The following SLC4A4 variants were observed in gnomAD, a reference collection of about 807,000 sequenced individuals.
SLC4A4 encodes the protein electrogenic sodium bicarbonate cotransporter 1.
SLC4A4 carries 27 observed loss-of-function variants against 111.5 expected under a neutral mutation model. The ratio of observed to expected loss-of-function variants is 0.24; its 90% CI spans 0.18 to 0.33. The LOEUF is 0.33. Ranked by LOEUF, SLC4A4 falls within the 10% of genes least tolerant of loss-of-function variation. The pLI is 1.00. For synonymous variants in SLC4A4, 443 were observed against 463.4 expected (o/e 0.96, Z 0.57); for missense variants, 909 against 1,315.5 (o/e 0.69, Z 4.78).
chr4:71,124,872 C>T (rs13143148), intron 2 of SLC4A4, among the ~76,000 whole-genome samples: 115,390 of 152,110 alleles, frequency 0.76, 45,897 homozygotes, highest in Admixed American at 0.88. Context: ...TTCCACACTA[C>T]GTAAATAATT....
At chr4:71,423,623 G>T (rs2149028225) in intron 7 of SLC4A4, among the ~76,000 whole-genome samples, 2 of 152,190 alleles carry the variant, frequency 1.3e-5, no homozygotes, top group East Asian at 3.9e-4. Flanking sequence ...AAACAGCATG[G>T]TACTGGTACC....
intron 11 of SLC4A4, among the ~76,000 whole-genome samples, chr4:71,453,188 G>T (rs552349648): frequency 1.3e-5 from 2 of 152,242 alleles, no homozygotes; most frequent in South Asian, 2.1e-4. Flanking sequence ...TGATCTGCTT[G>T]CATATTAGGA....
At chr4:71,514,814 T>A (rs1732234857) in intron 16 of SLC4A4, among the ~76,000 whole-genome samples, 1 of 152,188 alleles carries the variant, frequency 6.6e-6, no homozygotes, top group Non-Finnish European at 1.5e-5. Flanking sequence ...ATCTTTGTAT[T>A]TTTGTTGTAT....
chr4:71,067,117 C>T (rs976721120), intron 1 of SLC4A4, among the ~76,000 whole-genome samples: 2 of 119,626 alleles, frequency 1.7e-5, no homozygotes, highest in African/African-American at 6.7e-5. Context: ...GGAAGTCTCT[C>T]ACACATGCAG....
At chr4:71,134,097 C>T (rs1161454859) in intron 2 of SLC4A4, among the ~76,000 whole-genome samples, 1 of 152,072 alleles carries the variant, frequency 6.6e-6, no homozygotes, top group African/African-American at 2.4e-5. Context: ...TTGATTTTAC[C>T]TGAAAATAAA....
intron 1 of SLC4A4, among the ~76,000 whole-genome samples, chr4:71,080,691 G>A (rs1741970882): frequency 6.6e-6 from 1 of 151,984 alleles, no homozygotes; most frequent in Non-Finnish European, 1.5e-5. Flanking sequence ...GGTGAGTTGT[G>A]AGCACTTTTA....
chr4:71,389,731 A>C (rs1292678239), intron 6 of SLC4A4, among the ~76,000 whole-genome samples: 5 of 152,186 alleles, frequency 3.3e-5, no homozygotes, highest in African/African-American at 9.7e-5. Context: ...TAGTAACTCC[A>C]AATGGAGGTA....
At chr4:71,223,063 G>C (rs1182789756) in intron 1 of SLC4A4, among the ~76,000 whole-genome samples, 1 of 152,084 alleles carries the variant, frequency 6.6e-6, no homozygotes, top group East Asian at 1.9e-4. Flanking sequence ...AATGTCAAGG[G>C]TCTGTATACT....
At chr4:71,493,647 CTT>C (rs758871968) in intron 15 of SLC4A4, among the ~76,000 whole-genome samples, 38 of 150,076 alleles carry the variant, frequency 2.5e-4, no homozygotes, top group South Asian at 2.1e-4. Context: ...CTCTCTCTGT[CTT>C]TCTCTCTCTC....
chr4:71,115,923 TC>T (rs1743231426), intron 2 of SLC4A4, among the ~76,000 whole-genome samples: 3 of 152,312 alleles, frequency 2.0e-5, no homozygotes, highest in African/African-American at 7.2e-5. Flanking sequence ...AGACGGAGTT[TC>T]ACTCTTGTTG....
intron 2 of SLC4A4, among the ~76,000 whole-genome samples, chr4:71,140,790 C>T (rs1355508074): frequency 6.6e-6 from 1 of 152,180 alleles, no homozygotes; most frequent in Non-Finnish European, 1.5e-5. Flanking sequence ...TCCACTGCTA[C>T]ACCTGTCATT....
chr4:71,503,141 T>C (rs1731097133), intron 16 of SLC4A4, among the ~76,000 whole-genome samples: 1 of 152,106 alleles, frequency 6.6e-6, no homozygotes, highest in Non-Finnish European at 1.5e-5. Context: ...CTGATCACTT[T>C]TGGTTTCCAT....
chr4:71,382,450 G>A (rs954119253), intron 6 of SLC4A4, among the ~76,000 whole-genome samples: 1 of 152,168 alleles, frequency 6.6e-6, no homozygotes, highest in African/African-American at 2.4e-5. Context: ...ATATTTAAGT[G>A]AAAACTAGCT....
chr4:71,507,283 A>G (rs1412995987), intron 16 of SLC4A4, among the ~76,000 whole-genome samples: 1 of 152,220 alleles, frequency 6.6e-6, no homozygotes, highest in Non-Finnish European at 1.5e-5. Context: ...TGCCCCAGTT[A>G]AAAGACACAG....
intron 2 of SLC4A4, among the ~76,000 whole-genome samples, chr4:71,130,846 C>T (rs1743681750): frequency 6.6e-6 from 1 of 152,128 alleles, no homozygotes; most frequent in Non-Finnish European, 1.5e-5. Flanking sequence ...TTTAGGAAAA[C>T]TCAAGCTGAG....
chr4:71,514,854 A>T (rs542524570), intron 16 of SLC4A4, among the ~76,000 whole-genome samples: 6 of 151,590 alleles, frequency 4.0e-5, no homozygotes, highest in Admixed American at 3.9e-4. Flanking sequence ...TTCATTTCTG[A>T]TTTTACTTGG....
At chr4:71,235,945 G>T (rs551990982) in intron 1 of SLC4A4, 530 of 713,982 alleles carry the variant, frequency 7.4e-4, no homozygotes, top group Non-Finnish European at 8.9e-4. Context: ...CGGGTTGCTG[G>T]ATAATCCTCA....
intron 3 of SLC4A4, among the ~76,000 whole-genome samples, chr4:71,312,882 T>C (rs1018354389): frequency 6.6e-6 from 1 of 152,184 alleles, no homozygotes; most frequent in Non-Finnish European, 1.5e-5. Flanking sequence ...ATGCCCTCTC[T>C]CACCACTCCT....
intron 4 of SLC4A4, among the ~76,000 whole-genome samples, chr4:71,340,687 C>G (rs1262019953): frequency 1.3e-5 from 2 of 152,074 alleles, no homozygotes; most frequent in African/African-American, 2.4e-5. Flanking sequence ...TACTTTGACT[C>G]TGTTGCCTCT....
Sources: gnomAD v4.1 joint callset for allele counts (sites outside exome capture counted in the v4.1 genomes callset) on GRCh38, gnomAD v4.1.1 for gene constraint, MANE v1.5 for transcripts, NCBI Gene and HGNC (gene_info 2026-07-23, HGNC 2026-07-21) for gene names.